DOK6: variants seen among roughly 807,000 people sequenced by gnomAD.
DOK6 encodes the protein downstream of tyrosine kinase 6.
Under a neutral mutation model 44.0 loss-of-function variants are expected in DOK6, and 22 were observed. That is an observed-to-expected ratio of 0.50 (90% CI 0.36 to 0.71). DOK6 has a LOEUF of 0.71. DOK6 is among the 30% of genes least tolerant of loss of function. The probability of loss-of-function intolerance (pLI) is 0.00; values close to 1 mark genes in which losing one functional copy is unlikely to be tolerated. For synonymous variants in DOK6, 166 were observed against 145.5 expected, an observed-to-expected ratio of 1.14 and a Z score of -1.01; for missense variants, 340 against 416.4, an observed-to-expected ratio of 0.82 and a Z score of 1.60.
intron 3 of DOK6, among the ~76,000 whole-genome samples, chr18:69,674,494 T>A (rs1410270056): frequency 6.6e-6 from 1 of 151,834 alleles, no homozygotes; most frequent in Non-Finnish European, 1.5e-5. Flanking sequence ...ACCCCAGGCA[T>A]CTCCCTCACT....
chr18:69,409,525 T>C (rs1157695936), intron 1 of DOK6, among the ~76,000 whole-genome samples: 1 of 152,250 alleles, frequency 6.6e-6, no homozygotes, highest in African/African-American at 2.4e-5. Context: ...ACACATGGAA[T>C]TGCTATCTTT....
intron 1 of DOK6, among the ~76,000 whole-genome samples, chr18:69,541,326 C>T (rs1228199208): frequency 6.6e-6 from 1 of 151,336 alleles, no homozygotes; most frequent in African/African-American, 2.4e-5. Flanking sequence ...GAAATTGATG[C>T]CTTATTCATA....
At chr18:69,521,821 A>T in intron 1 of DOK6, among the ~76,000 whole-genome samples, 1 of 152,012 alleles carries the variant, frequency 6.6e-6, no homozygotes. Context: ...TAAATGTTTC[A>T]GTTGATGGAT....
In DOK6 at chr18:69,446,705, T is replaced by C. The variant is rs1979304747; in HGVS notation, c.66+45395T>C. 2.0e-5 allele frequency among the ~76,000 whole-genome samples: 3 copies of C among 152,274 alleles called. No individual in the cohort carries two copies. In the South Asian group the frequency reaches 6.2e-4, roughly 32 times the overall value. On this transcript the variant is annotated intron_variant, in intron 1 of 7. Transcript: ENST00000382713. ...CAAAGTGTTCCTGTTTCTCCACATC[T>C]TCTCCAGCACCTGTTGTTTCCTGAC...
intron 7 of DOK6, among the ~76,000 whole-genome samples, chr18:69,763,970 T>A (rs540774360): frequency 3.3e-5 from 5 of 152,232 alleles, no homozygotes; most frequent in African/African-American, 1.2e-4. Context: ...TGAGAAAAAT[T>A]CTCTTCTATA....
chr18:69,696,436 T>G (rs1427964753), intron 4 of DOK6, among the ~76,000 whole-genome samples: 2 of 152,230 alleles, frequency 1.3e-5, no homozygotes, highest in Admixed American at 6.5e-5. Flanking sequence ...GATGTTTACT[T>G]CAATATTTTG....
chr18:69,710,658 A>T (rs1986735230), intron 5 of DOK6, among the ~76,000 whole-genome samples: 1 of 152,352 alleles, frequency 6.6e-6, no homozygotes, highest in South Asian at 2.1e-4. Flanking sequence ...AATTAGTGTT[A>T]AGTGTAGAAC....
At chr18:69,613,884 T>C (rs1280768594) in intron 3 of DOK6, among the ~76,000 whole-genome samples, 1 of 151,406 alleles carries the variant, frequency 6.6e-6, no homozygotes, top group Non-Finnish European at 1.5e-5. Flanking sequence ...TTCTTCCACA[T>C]GAAAAATTGT....
intron 7 of DOK6, among the ~76,000 whole-genome samples, chr18:69,833,235 T>G (rs1981952337): frequency 6.6e-6 from 1 of 151,516 alleles, no homozygotes; most frequent in East Asian, 1.9e-4. Flanking sequence ...ATGGAAAGAG[T>G]TGAGGACCCA....
At chr18:69,772,991 T>C (rs1209131465) in intron 7 of DOK6, among the ~76,000 whole-genome samples, 1 of 151,840 alleles carries the variant, frequency 6.6e-6, no homozygotes, top group Admixed American at 6.6e-5. Context: ...TACAACTCAA[T>C]AGCAAAAAAC....
intron 5 of DOK6, among the ~76,000 whole-genome samples, chr18:69,728,763 A>G (rs979745501): frequency 6.6e-6 from 1 of 152,204 alleles, no homozygotes; most frequent in Non-Finnish European, 1.5e-5. Flanking sequence ...TACCTTCTCA[A>G]CTACAAGCTG....
intron 2 of DOK6, among the ~76,000 whole-genome samples, chr18:69,581,455 T>C (rs1056883290): frequency 6.6e-6 from 1 of 152,238 alleles, no homozygotes; most frequent in Non-Finnish European, 1.5e-5. Context: ...TTCTGCATTG[T>C]GATCTAACTC....
intron 6 of DOK6, among the ~76,000 whole-genome samples, chr18:69,740,973 C>T (rs765457606): frequency 1.3e-5 from 2 of 152,156 alleles, no homozygotes; most frequent in African/African-American, 2.4e-5. Context: ...GTATGTTTCT[C>T]GTGTCCTGTG....
chr18:69,726,169 C>T (rs1381166549), intron 5 of DOK6, among the ~76,000 whole-genome samples: 2 of 152,118 alleles, frequency 1.3e-5, no homozygotes, highest in Non-Finnish European at 2.9e-5. Context: ...AATTTAACTT[C>T]GCTTCCTCTG....
intron 1 of DOK6, among the ~76,000 whole-genome samples, chr18:69,449,638 C>G (rs554745825): frequency 1.3e-5 from 2 of 152,198 alleles, no homozygotes; most frequent in Non-Finnish European, 2.9e-5. Flanking sequence ...CAGCAGGAAC[C>G]TCTGCAGACC....
Position 69,423,626 on chromosome 18 carries a change from G to A in DOK6, c.66+22316G>A, listed in dbSNP as rs963109920. Among the ~76,000 whole-genome samples the A allele has an allele frequency of 7.9e-5, 12 of 152,194 alleles. No homozygotes were observed. The East Asian group carries it at 1.5e-3, about 20-fold the overall frequency. On this transcript the variant is annotated intron_variant, in intron 1 of 7. Coordinates refer to ENST00000382713, the MANE Select transcript of DOK6 (RefSeq NM_152721.6). The stretch of plus-strand genomic sequence containing the variant: ...AAGTAGAAATACTGGTTTTTAAAAT[G>A]TGTGTATGTTCACTTTACTAGATGT...
intron 4 of DOK6, among the ~76,000 whole-genome samples, chr18:69,682,107 T>C (rs2144689427): frequency 6.6e-6 from 1 of 152,346 alleles, no homozygotes; most frequent in East Asian, 1.9e-4. Context: ...TGTTTCTAAA[T>C]TATTACCTGG....
At chr18:69,682,742 T>A (rs1436385207) in intron 4 of DOK6, among the ~76,000 whole-genome samples, 1 of 152,158 alleles carries the variant, frequency 6.6e-6, no homozygotes, top group Non-Finnish European at 1.5e-5. Context: ...TAAAAAATGA[T>A]ACAATCTACC....
At chr18:69,533,253 C>G (rs1982032886) in intron 1 of DOK6, among the ~76,000 whole-genome samples, 1 of 151,706 alleles carries the variant, frequency 6.6e-6, no homozygotes, top group Admixed American at 6.6e-5. Flanking sequence ...TAGTATTGCT[C>G]ACTAATAACA....
Sources: gnomAD v4.1 joint callset for allele counts (sites outside exome capture counted in the v4.1 genomes callset) on GRCh38, gnomAD v4.1.1 for gene constraint, MANE v1.5 for transcripts, NCBI Gene and HGNC (gene_info 2026-07-23, HGNC 2026-07-21) for gene names.